DPP10: variants seen among roughly 807,000 people sequenced by gnomAD.
DPP10 encodes inactive dipeptidyl peptidase 10.
DPP10 carries 33 observed loss-of-function variants against 120.9 expected under a neutral mutation model. The ratio of observed to expected loss-of-function variants is 0.27; its 90% CI spans 0.21 to 0.37. The LOEUF is 0.37. Ranked by LOEUF, DPP10 falls within the 10% of genes least tolerant of loss-of-function variation. The pLI is 1.00. For synonymous variants in DPP10, 337 were observed against 326.1 expected (o/e 1.03, Z -0.36); for missense variants, 816 against 942.8 (o/e 0.87, Z 1.76).
chr2:115,201,845 C>T (rs2055751319), intron 1 of DPP10, among the ~76,000 whole-genome samples: 1 of 80,550 alleles, frequency 1.2e-5, no homozygotes, highest in African/African-American at 3.9e-5. Context: ...CTCAGGAAAA[C>T]TTGAAGTTAA....
At chr2:114,944,209 G>A (rs1434957906) in intron 1 of DPP10, among the ~76,000 whole-genome samples, 1 of 152,056 alleles carries the variant, frequency 6.6e-6, no homozygotes, top group Non-Finnish European at 1.5e-5. Flanking sequence ...TTTCCTTGAT[G>A]TTGCAAATAA....
intron 1 of DPP10, among the ~76,000 whole-genome samples, chr2:114,826,913 T>C (rs1479561027): frequency 2.0e-5 from 3 of 152,202 alleles, no homozygotes; most frequent in Non-Finnish European, 2.9e-5. Context: ...TATGATCTAA[T>C]GGTAATGAAC....
chr2:115,683,728 T>A (rs953099691), intron 5 of DPP10, among the ~76,000 whole-genome samples: 3 of 151,932 alleles, frequency 2.0e-5, no homozygotes, highest in African/African-American at 7.2e-5. Context: ...ATCTTCATAC[T>A]TTTAGTCTCA....
intron 1 of DPP10, among the ~76,000 whole-genome samples, chr2:115,267,266 T>G (rs1425309071): frequency 6.6e-6 from 1 of 152,238 alleles, no homozygotes; most frequent in Non-Finnish European, 1.5e-5. Flanking sequence ...GTTATGGGTC[T>G]GATTCTGTGG....
intron 19 of DPP10, among the ~76,000 whole-genome samples, chr2:115,804,466 G>A (rs995532779): frequency 6.6e-6 from 1 of 152,228 alleles, no homozygotes; most frequent in African/African-American, 2.4e-5. Flanking sequence ...TCGTTCCGTT[G>A]CTGGTGAGGA....
intron 1 of DPP10, among the ~76,000 whole-genome samples, chr2:114,853,540 C>A (rs1689138316): frequency 6.6e-6 from 1 of 152,010 alleles, no homozygotes; most frequent in African/African-American, 2.4e-5. Flanking sequence ...AAAAGATGTT[C>A]TCATATCCAA....
chr2:114,507,303 C>T (rs150370768), intron 1 of DPP10, among the ~76,000 whole-genome samples: 1 of 152,246 alleles, frequency 6.6e-6, no homozygotes, highest in African/African-American at 2.4e-5. Flanking sequence ...CATGCCTCAG[C>T]CTCCTAAAGT....
chr2:115,348,488 T>G (rs1014872753), intron 3 of DPP10, among the ~76,000 whole-genome samples: 1 of 152,166 alleles, frequency 6.6e-6, no homozygotes, highest in Non-Finnish European at 1.5e-5. Context: ...TTACATAGTT[T>G]TTTTTTATAA....
At chr2:115,156,652 T>A (rs774394027) in intron 1 of DPP10, among the ~76,000 whole-genome samples, 1 of 152,224 alleles carries the variant, frequency 6.6e-6, no homozygotes, top group Non-Finnish European at 1.5e-5. Flanking sequence ...AAGAGAAGGC[T>A]CAGTAATATC....
At chr2:114,493,450 G>A (rs1682180100) in intron 1 of DPP10, among the ~76,000 whole-genome samples, 1 of 152,104 alleles carries the variant, frequency 6.6e-6, no homozygotes, top group South Asian at 2.1e-4. Context: ...ATGTAAGAGA[G>A]GGACTTACTT....
At chr2:115,088,177 C>G (rs932479826) in intron 1 of DPP10, among the ~76,000 whole-genome samples, 4 of 152,122 alleles carry the variant, frequency 2.6e-5, no homozygotes, top group African/African-American at 7.2e-5. Context: ...CTCTCATGAC[C>G]TAATCACCTC....
At chr2:115,360,544 A>G (rs1391058656) in intron 3 of DPP10, among the ~76,000 whole-genome samples, 1 of 152,036 alleles carries the variant, frequency 6.6e-6, no homozygotes, top group East Asian at 1.9e-4. Context: ...CCTTTTTTGT[A>G]TTTCAGTGCA....
chr2:115,368,465 A>G lies in DPP10; in HGVS notation c.271+24553A>G, dbSNP rs566869823. Among the ~76,000 whole-genome samples the G allele has an allele frequency of 9.2e-5, 14 of 152,248 alleles. No individual in the cohort carries two copies. The South Asian group carries it at 2.3e-3, about 25-fold the overall frequency. ...ATTTTACTTTCTATCAATTTAATGTATTTTAAAGTAGTCATCATCTTTTCC... is the reference window on the plus strand; with the variant it reads ...ATTTTACTTTCTATCAATTTAATGTGTTTTAAAGTAGTCATCATCTTTTCC... On this transcript the variant is annotated intron_variant, in intron 3 of 25. Transcript: ENST00000410059.
intron 1 of DPP10, among the ~76,000 whole-genome samples, chr2:115,266,500 A>G (rs748475844): frequency 1.3e-5 from 2 of 152,124 alleles, no homozygotes; most frequent in African/African-American, 2.4e-5. Context: ...AACTAGGTAC[A>G]CTCTTGAGAC....
intron 1 of DPP10, among the ~76,000 whole-genome samples, chr2:115,041,782 T>C (rs1369819704): frequency 1.3e-5 from 2 of 152,174 alleles, no homozygotes; most frequent in African/African-American, 4.8e-5. Flanking sequence ...GACCTTATCC[T>C]TCATCATTTT....
At chr2:115,278,496 A>T (rs1372266905) in intron 1 of DPP10, among the ~76,000 whole-genome samples, 1 of 152,086 alleles carries the variant, frequency 6.6e-6, no homozygotes, top group Non-Finnish European at 1.5e-5. Context: ...TTATGAAGAA[A>T]GGTTTTGGTG....
intron 3 of DPP10, among the ~76,000 whole-genome samples, chr2:115,367,952 G>T (rs2065175141): frequency 6.6e-6 from 1 of 152,034 alleles, no homozygotes; most frequent in African/African-American, 2.4e-5. Flanking sequence ...AAGAAACCTT[G>T]TCCTAGTTCT....
intron 1 of DPP10, among the ~76,000 whole-genome samples, chr2:115,148,639 T>C (rs1485748132): frequency 6.6e-6 from 1 of 152,148 alleles, no homozygotes; most frequent in African/African-American, 2.4e-5. Context: ...TATTTTTTAA[T>C]AGCTACCTCT....
At chr2:114,939,927 C>A (rs866524234) in intron 1 of DPP10, among the ~76,000 whole-genome samples, 1 of 152,052 alleles carries the variant, frequency 6.6e-6, no homozygotes, top group African/African-American at 2.4e-5. Context: ...TTTTCTAGAA[C>A]ACATTTATTG....
Sources: gnomAD v4.1 joint callset for allele counts (sites outside exome capture counted in the v4.1 genomes callset) on GRCh38, gnomAD v4.1.1 for gene constraint, MANE v1.5 for transcripts, NCBI Gene and HGNC (gene_info 2026-07-23, HGNC 2026-07-21) for gene names.